Variants in ZFP64 observed in about 807,000 individuals in gnomAD.
ZFP64 encodes ZFP64 zinc finger protein, also known as zinc finger protein 64.
Under a neutral mutation model 51.6 loss-of-function variants are expected in ZFP64, and 14 were observed. The observed-to-expected ratio is 0.27, with a 90% CI of 0.18 to 0.42. The LOEUF (loss-of-function observed/expected upper bound fraction) is 0.42. Among genes scored for constraint, ZFP64 ranks in the 10% least tolerant of loss-of-function variants. The probability of loss-of-function intolerance (pLI) is 1.00; values close to 1 mark genes in which losing one functional copy is unlikely to be tolerated. For synonymous variants in ZFP64, 375 were observed against 361.4 expected (o/e 1.04, Z -0.43); for missense variants, 754 against 906.8 (o/e 0.83, Z 2.16).
In ZFP64 at chr20:52,176,534, G is replaced by A. The variant is rs1182436810; in HGVS notation, c.286+10298C>T. On this transcript the variant is annotated intron_variant, in intron 2 of 5. Transcript: ENST00000216923. Reference sequence around the variant, plus strand: ...TTTTTTTTTTTTGAGACGGAGTCTCGCTCTGTCGCCCAGGCCGGACTGCGG... The same window carrying A: ...TTTTTTTTTTTTGAGACGGAGTCTCACTCTGTCGCCCAGGCCGGACTGCGG... Among the ~76,000 whole-genome samples, 7 of 130,358 alleles carry A rather than the reference G, an allele frequency of 5.4e-5. No homozygotes were observed. In the South Asian group the frequency reaches 1.6e-3, roughly 29 times the overall value. The allele number at this position is 130,358 out of a possible 152,430, so 85.5% of individuals were successfully genotyped here.
chr20:52,121,594 G>A (rs1177662959), intron 5 of ZFP64, among the ~76,000 whole-genome samples: 1 of 152,198 alleles, frequency 6.6e-6, no homozygotes, highest in Non-Finnish European at 1.5e-5. Flanking sequence ...TGGCTCTTGA[G>A]GTTTAAGGAA....
At chr20:52,156,375 A>G (rs1430923270) in intron 5 of ZFP64, among the ~76,000 whole-genome samples, 2 of 152,222 alleles carry the variant, frequency 1.3e-5, no homozygotes, top group East Asian at 3.8e-4. Flanking sequence ...GGGCTTGTGC[A>G]CTGGGGCTTG....
intron 7 of ZFP64, among the ~76,000 whole-genome samples, chr20:52,090,436 T>G (rs551108134): frequency 6.6e-6 from 1 of 152,112 alleles, no homozygotes; most frequent in Non-Finnish European, 1.5e-5. Context: ...GAAGGTAAGA[T>G]GGCAATATGA....
chr20:52,084,717 T>C (rs375797185), exon 9 of ZFP64: 1 of 1,614,178 alleles, frequency 6.2e-7, no homozygotes, highest in Non-Finnish European at 8.5e-7. Flanking sequence ...TCTCAGAGAG[T>C]CATCCCTGAC....
exon 6 of ZFP64, chr20:52,098,546 AGAG>A: frequency 6.2e-7 from 1 of 1,614,116 alleles, no homozygotes; most frequent in Non-Finnish European, 8.5e-7. Flanking sequence ...CTTTCAGTGG[AGAG>A]GCAGTTTGCT....
At position 52,191,749 on chromosome 20, in the gene ZFP64, C is replaced by T; in HGVS notation, c.-113G>A. Reference sequence around the variant, plus strand: ...TTCCACACCCCCCACCCTGCCTTCTCCCAACTCTGCGAGGCGGGGAGGACG... The same window carrying T: ...TTCCACACCCCCCACCCTGCCTTCTTCCAACTCTGCGAGGCGGGGAGGACG... On this transcript the variant is annotated 5_prime_UTR_variant, in exon 1 of 6. Transcript: ENST00000216923. This position sits in a 1 kb window ranked among gnomAD's most constrained non-coding sequence, Gnocchi z 4.3. 7.7e-7 allele frequency: 1 copy of T among 1,296,116 alleles called. No homozygotes were observed. The highest frequency in any genetic ancestry group is 1.0e-6 in the Non-Finnish European group (1 of 983,658). The allele number at this position is 1,296,116 out of a possible 1,614,324, so 80.3% of individuals were successfully genotyped here.
intron 7 of ZFP64, among the ~76,000 whole-genome samples, chr20:52,096,445 G>A (rs2078989362): frequency 6.6e-6 from 1 of 152,250 alleles, no homozygotes; most frequent in Non-Finnish European, 1.5e-5. Flanking sequence ...CTATGCCTCT[G>A]AAGATGTACT....
rs1175890843 is a variant in ZFP64 at position 52,152,988 on chromosome 20, C to T, written c.1204G>A (p.Ala402Thr). ...KFHGDMVKTE[A>T]LERKDTGRQS... Reference sequence around the variant, plus strand: ...CTGCCGGTGTCCTTCCTCTCTAGAGCCTCAGTCTTAACCATGTCCCCATGG... The same window carrying T: ...CTGCCGGTGTCCTTCCTCTCTAGAGTCTCAGTCTTAACCATGTCCCCATGG... The change falls in exon 6 of 6, where the codon GCT (alanine) becomes ACT (threonine). Residue 402 changes from alanine to threonine, a missense_variant. Transcript: ENST00000216923. The T allele has an allele frequency of 6.2e-7, 1 of 1,613,808 alleles. No individual in the cohort carries two copies. The highest frequency in any genetic ancestry group is 8.5e-7 in the Non-Finnish European group (1 of 1,180,054).
chr20:52,122,450 G>A (rs551247677), intron 5 of ZFP64, among the ~76,000 whole-genome samples: 194 of 148,262 alleles, frequency 1.3e-3, no homozygotes, highest in African/African-American at 4.1e-3. Context: ...AGCTTGCAGT[G>A]AGCCGAGATG....
intron 5 of ZFP64, among the ~76,000 whole-genome samples, chr20:52,123,298 C>T (rs73130324): frequency 4.6e-5 from 7 of 152,050 alleles, no homozygotes; most frequent in East Asian, 3.9e-4. Context: ...TGAGCTGCTG[C>T]GCCCAGCAGA....
In ZFP64 at chr20:52,191,522, T is replaced by A; in HGVS notation, c.46+69A>T. ...GGGCCTGCTGGCTGCGTCGCAGACGTGCTTGGGCCCGGGCCCCGGAGCGCG... is the reference window on the plus strand; with the variant it reads ...GGGCCTGCTGGCTGCGTCGCAGACGAGCTTGGGCCCGGGCCCCGGAGCGCG... On this transcript the variant is annotated intron_variant, in intron 1 of 5. Coordinates refer to ENST00000216923, the MANE Select transcript of ZFP64 (RefSeq NM_018197.3). The surrounding 1 kb of genome is among the most constrained non-coding windows in gnomAD (Gnocchi z 4.3). 1.4e-6 allele frequency: 2 copies of A among 1,469,530 alleles called. No homozygotes were observed. The highest frequency in any genetic ancestry group is 9.0e-7 in the Non-Finnish European group (1 of 1,110,020). 91.0% of individuals were successfully genotyped at this position (1,469,530 alleles called of 1,614,324 possible).
chr20:52,136,490 C>A (rs1017593694), intron 5 of ZFP64, among the ~76,000 whole-genome samples: 5 of 152,036 alleles, frequency 3.3e-5, no homozygotes, highest in Non-Finnish European at 7.4e-5. Flanking sequence ...TATAACAATA[C>A]AACTTGTATT....
chr20:52,106,567 G>T (rs1978319119), intron 5 of ZFP64, among the ~76,000 whole-genome samples: 1 of 152,108 alleles, frequency 6.6e-6, no homozygotes, highest in Admixed American at 6.6e-5. Context: ...CCCCACGGCG[G>T]GGCCTGCGAG....
chr20:52,084,574 GCTCTAGGGGAGC>G, exon 9 of ZFP64: 1 of 1,613,154 alleles, frequency 6.2e-7, no homozygotes, highest in Non-Finnish European at 8.5e-7. Flanking sequence ...TCTTGGCTGG[GCTCTAGGGGAGC>G]CTCGAGCTGC....
chr20:52,110,718 A>C, intron 5 of ZFP64: 2 of 1,589,150 alleles, frequency 1.3e-6, no homozygotes, highest in Admixed American at 1.7e-5. Flanking sequence ...GGATGGCTCC[A>C]ACCTTAACTG....
At position 52,152,784 on chromosome 20, in the gene ZFP64, G is replaced by C. The variant is rs1980959086; in HGVS notation, c.1408C>G (p.Gln470Glu). 2.5e-6 allele frequency: 4 copies of C among 1,607,618 alleles called. No homozygotes were observed. The East Asian group carries it at 8.9e-5, about 36-fold the overall frequency. Reference protein sequence around the residue: ...VLQFQIDPSKQPATPLTVGHL... With the variant: ...VLQFQIDPSKEPATPLTVGHL... ...CCCACAGTGAGGGGCGTGGCGGGCT[G>C]CTTGCTGGGGTCGATCTGAAACTGG... Residue 470 changes from glutamine (Q) to glutamate (E), a missense_variant, in exon 6 of 6, where the codon CAG (glutamine) becomes GAG (glutamate). Gln to Glu is a conservative substitution (Grantham distance 29). Transcript: ENST00000216923.
At chr20:52,186,698 G>A (rs1466051994) in intron 2 of ZFP64, 134 bp downstream of exon 2, 15 of 1,273,874 alleles carry the variant, frequency 1.2e-5, no homozygotes, top group South Asian at 1.9e-5. Flanking sequence ...CTTCCTGGTG[G>A]AGCTTGTTAA....
intron 6 of ZFP64, among the ~76,000 whole-genome samples, chr20:52,097,896 C>T (rs191448147): frequency 6.4e-5 from 4 of 62,904 alleles, no homozygotes; most frequent in Admixed American, 3.8e-4. Flanking sequence ...TAGAGACCCC[C>T]GCCCCCTATT....
At chr20:52,168,037 T>C (rs1023109031) in intron 2 of ZFP64, among the ~76,000 whole-genome samples, 2 of 152,230 alleles carry the variant, frequency 1.3e-5, no homozygotes, top group Non-Finnish European at 2.9e-5. Context: ...TTTTATTTTA[T>C]ATTTATCGAA....
Sources: allele counts gnomAD v4.1 joint callset (sites outside exome capture counted in the v4.1 genomes callset), GRCh38; gene constraint gnomAD v4.1.1; non-coding constraint Gnocchi (gnomAD v3.1); transcripts MANE v1.5; gene names NCBI Gene and HGNC (gene_info 2026-07-23, HGNC 2026-07-21).